The following AK4 variants were observed in gnomAD, a reference collection of about 807,000 sequenced individuals.
The protein encoded by AK4 is adenylate kinase 4, also known as adenylate kinase 4, mitochondrial.
AK4 carries 13 observed loss-of-function variants against 24.6 expected under a neutral mutation model. The observed-to-expected ratio is 0.53, with a 90% CI of 0.34 to 0.84. The LOEUF (loss-of-function observed/expected upper bound fraction) is 0.84. Among genes scored for constraint, AK4 ranks in the 40% least tolerant of loss-of-function variants. The probability of loss-of-function intolerance (pLI) is 0.01; values close to 1 mark genes in which losing one functional copy is unlikely to be tolerated. For synonymous variants in AK4, 88 were observed against 107.0 expected (o/e 0.82, Z 1.10); for missense variants, 192 against 288.2 (o/e 0.67, Z 2.42).
chr1:65,192,732 G>A (rs1320152647), intron 2 of AK4, among the ~76,000 whole-genome samples: 1 of 152,194 alleles, frequency 6.6e-6, no homozygotes, highest in Non-Finnish European at 1.5e-5. Flanking sequence ...AAATGCTATG[G>A]TAGGAAGGTG....
chr1:65,216,638 C>A (rs12029194), intron 2 of AK4, among the ~76,000 whole-genome samples: 1 of 123,360 alleles, frequency 8.1e-6, no homozygotes, highest in Non-Finnish European at 1.5e-5. Flanking sequence ...CTTTTTTTTT[C>A]TTTTTTCTTT....
intron 2 of AK4, among the ~76,000 whole-genome samples, chr1:65,202,751 GTGCACTTACAA>G (rs1275871366): frequency 2.0e-5 from 3 of 151,760 alleles, no homozygotes; most frequent in Non-Finnish European, 1.5e-5. Context: ...AATAATTATT[GTGCACTTACAA>G]TGCACAAACC....
chr1:65,177,852 A>C (rs946338454), intron 1 of AK4, among the ~76,000 whole-genome samples: 5 of 152,196 alleles, frequency 3.3e-5, no homozygotes, highest in Non-Finnish European at 7.4e-5. Context: ...TATGTAGTCT[A>C]ATCAGGTAAG....
chr1:65,202,659 G>T (rs909187069), intron 2 of AK4, among the ~76,000 whole-genome samples: 1 of 151,976 alleles, frequency 6.6e-6, no homozygotes, highest in Non-Finnish European at 1.5e-5. Context: ...CCAGTTCCTG[G>T]GAATTGGATG....
At chr1:65,170,210 A>G (rs769929679) in intron 1 of AK4, among the ~76,000 whole-genome samples, 1 of 152,130 alleles carries the variant, frequency 6.6e-6, no homozygotes, top group Non-Finnish European at 1.5e-5. Flanking sequence ...AAAATACAAA[A>G]AAAGAAAATT....
At position 65,226,254 on chromosome 1, in the gene AK4, T is replaced by C; in HGVS notation, c.*77T>C. ...TGTAGTATTGGTGCTGTGTCCAAAT[T>C]AGAAGCTAGCTGAGGTAGCTTGCAG... is the stretch of plus-strand genomic sequence containing the variant. On this transcript the variant is annotated 3_prime_UTR_variant, in exon 5 of 5. Transcript: ENST00000327299. 1 of 1,199,950 alleles carries C rather than the reference T, an allele frequency of 8.3e-7. No individual in the cohort carries two copies. Among genetic ancestry groups the C allele is most frequent in the East Asian group, 2.5e-5 (1 of 39,290 alleles). 74.3% of individuals were successfully genotyped at this position (1,199,950 alleles called of 1,614,324 possible). A position where few individuals can be genotyped will look rare whatever the true frequency, so the allele number is the denominator to read the frequency against.
At chr1:65,194,890 A>G (rs1651420805) in intron 2 of AK4, among the ~76,000 whole-genome samples, 1 of 152,044 alleles carries the variant, frequency 6.6e-6, no homozygotes, top group Non-Finnish European at 1.5e-5. Context: ...CTTCCTCCAA[A>G]TTCTTCAGCC....
At chr1:65,151,313 T>G (rs1013629590) in intron 1 of AK4, among the ~76,000 whole-genome samples, 1 of 152,160 alleles carries the variant, frequency 6.6e-6, no homozygotes, top group African/African-American at 2.4e-5. Context: ...TGCAGTCATA[T>G]ATCATGCAGT....
rs1652649246 is a variant in AK4 at position 65,231,586 on chromosome 1, C to A, written c.*5409C>A. 6.6e-6 allele frequency: 1 copy of A among 152,088 alleles called. No homozygotes were observed. The highest frequency in any genetic ancestry group is 1.5e-5 in the Non-Finnish European group (1 of 68,006). The allele number at this position is 152,088 out of a possible 1,614,324, so 9.4% of individuals were successfully genotyped here. On this transcript the variant is annotated 3_prime_UTR_variant, in exon 5 of 5. Transcript: ENST00000327299. ...ATTTTATAAAAATTATTCTTGTCTTCATTTTAAAGCTTTGGCTATATAGTC... is the reference window on the plus strand; with the variant it reads ...ATTTTATAAAAATTATTCTTGTCTTAATTTTAAAGCTTTGGCTATATAGTC...
chr1:65,170,667 G>A (rs1159531517), intron 1 of AK4, among the ~76,000 whole-genome samples: 1 of 152,188 alleles, frequency 6.6e-6, no homozygotes, highest in Non-Finnish European at 1.5e-5. Flanking sequence ...TAAGTGACGG[G>A]AGCCAGGAAC....
At chr1:65,184,303 G>A (rs541496360) in intron 1 of AK4, among the ~76,000 whole-genome samples, 9 of 152,162 alleles carry the variant, frequency 5.9e-5, no homozygotes, top group African/African-American at 2.2e-4. Flanking sequence ...ACATAATTTT[G>A]TTATATATAA....
At chr1:65,186,081 A>G (rs1270588373) in intron 1 of AK4, among the ~76,000 whole-genome samples, 1 of 152,064 alleles carries the variant, frequency 6.6e-6, no homozygotes, top group African/African-American at 2.4e-5. Context: ...AAATTCTCCT[A>G]TCTTCAGGGT....
rs1328423583 is a variant in AK4, at chr1:65,227,264, C to A, written c.*1087C>A. The A allele has an allele frequency of 3.6e-5, 5 of 139,832 alleles. No homozygotes were observed. The highest frequency in any genetic ancestry group is 1.1e-4 in the African/African-American group (4 of 37,496). The allele number at this position is 139,832 out of a possible 1,614,324, so 8.7% of individuals were successfully genotyped here. ...ACAGTGTTTCACTCCTATGAGTGAC[C>A]CAAACATATTATAAATATGTGGTAA... On this transcript the variant is annotated 3_prime_UTR_variant, in exon 5 of 5. Transcript: ENST00000327299.
intron 2 of AK4, among the ~76,000 whole-genome samples, chr1:65,211,065 A>C (rs1239461615): frequency 6.6e-6 from 1 of 152,106 alleles, no homozygotes; most frequent in African/African-American, 2.4e-5. Context: ...GTCCACCATT[A>C]GGGGATTGGT....
At chr1:65,189,287 CTT>C (rs11373489) in intron 1 of AK4, among the ~76,000 whole-genome samples, 29 of 132,470 alleles carry the variant, frequency 2.2e-4, no homozygotes, top group Admixed American at 3.1e-4. Flanking sequence ...GATTCTCTCT[CTT>C]TTTTTTTTTT....
intron 1 of AK4, among the ~76,000 whole-genome samples, chr1:65,183,650 CGTGTGTGTGTGTGTGTGT>C (rs56067788): frequency 1.4e-3 from 196 of 140,810 alleles, no homozygotes; most frequent in Admixed American, 2.6e-3. Context: ...TATAAATATC[CGTGTGTGTGTGTGTGTGT>C]GTGTGTGTGT....
At chr1:65,196,795 A>G (rs913194128) in intron 2 of AK4, among the ~76,000 whole-genome samples, 1 of 152,156 alleles carries the variant, frequency 6.6e-6, no homozygotes, top group Admixed American at 6.6e-5. Context: ...AAAGGGTCAC[A>G]TATTAGACCG....
At chr1:65,175,179 A>G (rs771953132) in intron 1 of AK4, among the ~76,000 whole-genome samples, 1 of 152,084 alleles carries the variant, frequency 6.6e-6, no homozygotes, top group East Asian at 1.9e-4. Flanking sequence ...TTGAAGGATG[A>G]TTGTGTGTTG....
chr1:65,189,677 A>ACCC (rs369650731), intron 1 of AK4, among the ~76,000 whole-genome samples: 1 of 150,764 alleles, frequency 6.6e-6, no homozygotes, highest in African/African-American at 2.5e-5. Flanking sequence ...ACACACACAC[A>ACCC]CCCCACACAT....
Sources: allele counts gnomAD v4.1 joint callset (sites outside exome capture counted in the v4.1 genomes callset), GRCh38; gene constraint gnomAD v4.1.1; transcripts MANE v1.5; gene names NCBI Gene and HGNC (gene_info 2026-07-23, HGNC 2026-07-21).